The following EPHA3 variants were observed in gnomAD, a reference collection of about 807,000 sequenced individuals.
EPHA3 encodes the protein ephrin type-A receptor 3.
Under a neutral mutation model 107.1 loss-of-function variants are expected in EPHA3, and 42 were observed. The ratio of observed to expected loss-of-function variants is 0.39; its 90% CI spans 0.31 to 0.51. EPHA3 has a LOEUF of 0.51. Among genes scored for constraint, EPHA3 ranks in the 20% least tolerant of loss-of-function variants. EPHA3 has a pLI of 0.78. For synonymous variants in EPHA3, 461 were observed against 424.8 expected, an observed-to-expected ratio of 1.09 and a Z score of -1.05; for missense variants, 1,183 against 1,211.2, an observed-to-expected ratio of 0.98 and a Z score of 0.35.
At chr3:89,476,146 T>A (rs1156384893) in intron 16 of EPHA3, among the ~76,000 whole-genome samples, 1 of 147,576 alleles carries the variant, frequency 6.8e-6, no homozygotes, top group African/African-American at 2.5e-5. Context: ...ATATTATATA[T>A]AATATATAAT....
intron 2 of EPHA3, among the ~76,000 whole-genome samples, chr3:89,134,741 C>T (rs914793968): frequency 9.9e-5 from 15 of 152,112 alleles, no homozygotes; most frequent in African/African-American, 3.6e-4. Flanking sequence ...TCTTGAACCA[C>T]CACTGCACTG....
At chr3:89,171,768 A>C (rs1576202541) in intron 2 of EPHA3, among the ~76,000 whole-genome samples, 1 of 152,328 alleles carries the variant, frequency 6.6e-6, no homozygotes, top group African/African-American at 2.4e-5. Flanking sequence ...ACACATAACC[A>C]GAAAAGCAAA....
At chr3:89,421,222 C>G (rs1709346110) in intron 11 of EPHA3, among the ~76,000 whole-genome samples, 1 of 151,042 alleles carries the variant, frequency 6.6e-6, no homozygotes, top group Non-Finnish European at 1.5e-5. Context: ...AATATAAACT[C>G]TCAAAGAGGG....
At chr3:89,233,805 G>T (rs80351376) in intron 3 of EPHA3, among the ~76,000 whole-genome samples, 2,675 of 152,242 alleles carry the variant, frequency 0.018, 72 homozygotes, top group African/African-American at 0.058. Flanking sequence ...AAAGCTCTGT[G>T]GTATGTGATA....
chr3:89,408,232 A>G (rs931519417), intron 9 of EPHA3, 101 bp downstream of exon 9: 2 of 1,160,150 alleles, frequency 1.7e-6, no homozygotes, highest in African/African-American at 3.1e-5. Flanking sequence ...GAGACTTCAA[A>G]AGTAGTTTTA....
At position 89,276,078 on chromosome 3, in the gene EPHA3, G is replaced by T. The variant is rs1411576883; in HGVS notation, c.815-64838G>T. ...GAAACACTCAGGAAATAGAAAAATG[G>T]CTGTGCTTGCATTTTTAAAATAGAT... On this transcript the variant is annotated intron_variant, in intron 3 of 16. Transcript: ENST00000336596. Among the ~76,000 whole-genome samples, 11 of 152,014 alleles carry T rather than the reference G, an allele frequency of 7.2e-5. 1 individual carries two copies. Among genetic ancestry groups the T allele is most frequent in the Non-Finnish European group, 5.9e-5 (4 of 67,972 alleles).
At chr3:89,415,583 T>A (rs534955674) in intron 10 of EPHA3, among the ~76,000 whole-genome samples, 22 of 149,964 alleles carry the variant, frequency 1.5e-4, no homozygotes, top group Admixed American at 1.3e-3. Context: ...ATAGAAAGAA[T>A]TATACTTATA....
At position 89,421,290 on chromosome 3, in the gene EPHA3, T is replaced by G. The variant is rs116807443; in HGVS notation, c.2074+1900T>G. Among the ~76,000 whole-genome samples the G allele has an allele frequency of 9.7e-3, 1,460 of 151,172 alleles. 26 individuals are homozygous for G. Among genetic ancestry groups the G allele is most frequent in the African/African-American group, 0.034 (1,397 of 41,330 alleles). ...AAAATAAATCCTGGATCATAATAGA[T>G]ACTTAATTTACCAATGTTGAAAAAT... On this transcript the variant is annotated intron_variant, in intron 11 of 16. Transcript: ENST00000336596.
chr3:89,473,978 C>T (rs1018113550), intron 16 of EPHA3, among the ~76,000 whole-genome samples: 3 of 151,902 alleles, frequency 2.0e-5, no homozygotes, highest in Non-Finnish European at 4.4e-5. Flanking sequence ...ACCCTTTAGT[C>T]CCCCAAGTTT....
chr3:89,206,293 T>A (rs1312832047), intron 2 of EPHA3, among the ~76,000 whole-genome samples: 1 of 152,202 alleles, frequency 6.6e-6, no homozygotes, highest in Non-Finnish European at 1.5e-5. Flanking sequence ...TCTCCATAAT[T>A]AAAATCATAT....
intron 3 of EPHA3, among the ~76,000 whole-genome samples, chr3:89,246,478 G>A (rs909527514): frequency 2.0e-5 from 3 of 151,536 alleles, no homozygotes; most frequent in Non-Finnish European, 4.4e-5. Flanking sequence ...GGACACAGCT[G>A]TCTGTACCAG....
intron 2 of EPHA3, among the ~76,000 whole-genome samples, chr3:89,169,675 G>GT (rs931489379): frequency 1.3e-5 from 2 of 152,044 alleles, no homozygotes; most frequent in Admixed American, 1.3e-4. Context: ...TGAAAAAGCT[G>GT]TTTTTTTGTG....
At chr3:89,233,833 AATG>A (rs1355209098) in intron 3 of EPHA3, among the ~76,000 whole-genome samples, 1 of 152,194 alleles carries the variant, frequency 6.6e-6, no homozygotes, top group Non-Finnish European at 1.5e-5. Flanking sequence ...AGGTCTATAT[AATG>A]ATGATTTGCT....
intron 5 of EPHA3, among the ~76,000 whole-genome samples, chr3:89,366,393 A>G (rs1708184777): frequency 6.6e-6 from 1 of 150,762 alleles, no homozygotes; most frequent in Non-Finnish European, 1.5e-5. Context: ...ATTGATCAAG[A>G]TCAAAAACAT....
chr3:89,408,314 T>C (rs575774484), intron 9 of EPHA3, among the ~76,000 whole-genome samples, 183 bp downstream of exon 9: 1 of 152,148 alleles, frequency 6.6e-6, no homozygotes, highest in African/African-American at 2.4e-5. Flanking sequence ...AAATAATTTT[T>C]ACATGTGTAC....
At chr3:89,185,153 A>G (rs1705534315) in intron 2 of EPHA3, among the ~76,000 whole-genome samples, 3 of 152,052 alleles carry the variant, frequency 2.0e-5, no homozygotes, top group Non-Finnish European at 4.4e-5. Flanking sequence ...TTTCCTGTAT[A>G]ATTCAAAGTC....
At chr3:89,232,089 C>T (rs1024059251) in intron 3 of EPHA3, among the ~76,000 whole-genome samples, 1 of 151,960 alleles carries the variant, frequency 6.6e-6, no homozygotes, top group Non-Finnish European at 1.5e-5. Flanking sequence ...TCAGAAGGTG[C>T]CCTTTCTGCT....
Position 89,479,907 on chromosome 3 carries a change from G to A in EPHA3, c.*405G>A. ...ACTTGTAATATTTTTATATACAGAGGAAATCTGTAACAGGTATTTTGTTTC... is the reference window on the plus strand; with the variant it reads ...ACTTGTAATATTTTTATATACAGAGAAAATCTGTAACAGGTATTTTGTTTC... On this transcript the variant is annotated 3_prime_UTR_variant, in exon 17 of 17. Transcript: ENST00000336596. 1 of 241,236 alleles carries A rather than the reference G, an allele frequency of 4.1e-6. No homozygotes were observed. The highest frequency in any genetic ancestry group is 8.1e-6 in the Non-Finnish European group (1 of 122,994). The allele number at this position is 241,236 out of a possible 1,614,324, so 14.9% of individuals were successfully genotyped here. A position where few individuals can be genotyped will look rare whatever the true frequency, so the allele number is the denominator to read the frequency against.
chr3:89,312,982 T>A (rs1194270446), intron 3 of EPHA3, among the ~76,000 whole-genome samples: 1 of 152,048 alleles, frequency 6.6e-6, no homozygotes, highest in East Asian at 1.9e-4. Flanking sequence ...ATCTGGTCTG[T>A]AATTAATGGG....
Sources: allele counts gnomAD v4.1 joint callset (sites outside exome capture counted in the v4.1 genomes callset), GRCh38; gene constraint gnomAD v4.1.1; transcripts MANE v1.5; gene names NCBI Gene and HGNC (gene_info 2026-07-23, HGNC 2026-07-21).